The following TIAM1 variants were observed in gnomAD, a reference collection of about 807,000 sequenced individuals.
TIAM1 encodes the protein TIAM Rac1 associated GEF 1.
Under a neutral mutation model 163.5 loss-of-function variants are expected in TIAM1, and 65 were observed. That is an observed-to-expected ratio of 0.40 (90% CI 0.33 to 0.49). The LOEUF is 0.49. TIAM1 is among the 20% of genes least tolerant of loss of function. The pLI is 0.77. For missense variants in TIAM1, 1,789 were observed against 2,044.7 expected, an observed-to-expected ratio of 0.87 and a Z score of 2.41; for synonymous variants, 833 against 810.1, an observed-to-expected ratio of 1.03 and a Z score of -0.48.
At chr21:31,286,012 T>C (rs986607062) in intron 2 of TIAM1, among the ~76,000 whole-genome samples, 2 of 152,232 alleles carry the variant, frequency 1.3e-5, no homozygotes, top group Admixed American at 6.5e-5. Flanking sequence ...GTGTATATCA[T>C]TGATCAGCAA....
In TIAM1 at chr21:31,432,631, A is replaced by G. The variant is rs530229233; in HGVS notation, c.-369+31352T>C. ...GTAAAGACTGGAAAGATGCGGCAACATGCATGAAGTGGGAGGGGAAGGCAC... is the reference window on the plus strand; with the variant it reads ...GTAAAGACTGGAAAGATGCGGCAACGTGCATGAAGTGGGAGGGGAAGGCAC... On this transcript the variant is annotated intron_variant, in intron 2 of 28. Coordinates refer to the TIAM1 transcript ENST00000286827. Among the ~76,000 whole-genome samples the G allele has an allele frequency of 2.0e-5, 3 of 152,354 alleles. No individual in the cohort carries two copies. In the East Asian group the frequency reaches 5.8e-4, roughly 29 times the overall value.
intron 16 of TIAM1, among the ~76,000 whole-genome samples, chr21:31,161,782 A>G (rs2083934255): frequency 6.6e-6 from 1 of 152,216 alleles, no homozygotes; most frequent in South Asian, 2.1e-4. Context: ...ACAAGGCTAA[A>G]TCATGCTTCC....
At position 31,396,520 on chromosome 21, in the gene TIAM1, G is replaced by A. The variant is rs186898698; in HGVS notation, c.-368-57098C>T. Reference sequence around the variant, plus strand: ...CTCCCGAAACACTGTCTGGCTCTGAGTTGGTCCTCAATAAATATAAAAAAT... The same window carrying A: ...CTCCCGAAACACTGTCTGGCTCTGAATTGGTCCTCAATAAATATAAAAAAT... On this transcript the variant is annotated intron_variant, in intron 2 of 28. Coordinates refer to the TIAM1 transcript ENST00000286827. Among the ~76,000 whole-genome samples, 34 of 151,560 alleles carry A rather than the reference G, an allele frequency of 2.2e-4. 1 individual carries two copies. Among genetic ancestry groups the A allele is most frequent in the African/African-American group, 7.8e-4 (32 of 41,270 alleles).
At chr21:31,299,456 G>T (rs1324654823) in intron 2 of TIAM1, among the ~76,000 whole-genome samples, 1 of 152,160 alleles carries the variant, frequency 6.6e-6, no homozygotes, top group Admixed American at 6.5e-5. Context: ...TGTTACGTAT[G>T]TTCAATTTAT....
chr21:31,367,375 C>A (rs1444445989), intron 2 of TIAM1, among the ~76,000 whole-genome samples: 1 of 152,184 alleles, frequency 6.6e-6, no homozygotes, highest in Non-Finnish European at 1.5e-5. Context: ...TCCCAGTCAA[C>A]AGAATGGGAC....
intron 1 of TIAM1, among the ~76,000 whole-genome samples, chr21:31,544,290 G>A (rs536418101): frequency 2.6e-5 from 4 of 150,986 alleles, no homozygotes; most frequent in African/African-American, 7.3e-5. Flanking sequence ...GGAGGCCCAG[G>A]TAGGCAGATT....
chr21:31,496,175 G>A (rs1366070129), intron 1 of TIAM1, among the ~76,000 whole-genome samples: 3 of 151,956 alleles, frequency 2.0e-5, no homozygotes, highest in Admixed American at 1.3e-4. Flanking sequence ...AGAAAAAAGT[G>A]TACAGAAAAA....
intron 26 of TIAM1, among the ~76,000 whole-genome samples, chr21:31,126,666 T>C (rs993446473): frequency 6.6e-6 from 1 of 152,106 alleles, no homozygotes; most frequent in Non-Finnish European, 1.5e-5. Flanking sequence ...GAGTCATCTA[T>C]CTTGTATTTT....
chr21:31,450,726 A>C (rs2147324176), intron 2 of TIAM1, among the ~76,000 whole-genome samples: 1 of 152,300 alleles, frequency 6.6e-6, no homozygotes, highest in Middle Eastern at 3.4e-3. Flanking sequence ...GCAGAAGGCG[A>C]AACGCGTGCC....
chr21:31,144,967 T>C (rs1397895427), intron 20 of TIAM1, among the ~76,000 whole-genome samples: 3 of 152,146 alleles, frequency 2.0e-5, no homozygotes, highest in Non-Finnish European at 4.4e-5. Flanking sequence ...GAATTTAATC[T>C]AATTGAGTGA....
intron 2 of TIAM1, among the ~76,000 whole-genome samples, chr21:31,454,162 C>T (rs1164416179): frequency 6.6e-6 from 1 of 152,202 alleles, no homozygotes; most frequent in Non-Finnish European, 1.5e-5. Flanking sequence ...TTTGTCTCCC[C>T]CTGCTAGAAT....
rs1251528356 is a variant in TIAM1 at position 31,267,516 on chromosome 21, A to T, written c.-11-533T>A. Among the ~76,000 whole-genome samples the T allele has an allele frequency of 2.9e-3, 404 of 137,988 alleles. 3 individuals are homozygous for T. Among genetic ancestry groups the T allele is most frequent in the African/African-American group, 1.0e-2 (370 of 37,104 alleles). The allele number at this position is 137,988 out of a possible 152,430, so 90.5% of individuals were successfully genotyped here. A position where few individuals can be genotyped will look rare whatever the true frequency, so the allele number is the denominator to read the frequency against. The stretch of plus-strand genomic sequence containing the variant: ...GACAATGGGTACGTTTCGTTTTTTC[A>T]TTTTTTTTTTTTTTTTGGCTCTATT... On this transcript the variant is annotated intron_variant, in intron 3 of 27. Coordinates refer to ENST00000541036, the MANE Select transcript of TIAM1 (RefSeq NM_001353694.2).
At chr21:31,131,121 T>G (rs1050121800) in intron 23 of TIAM1, among the ~76,000 whole-genome samples, 173 bp from the exon 24 acceptor site, 1 of 152,170 alleles carries the variant, frequency 6.6e-6, no homozygotes, top group African/African-American at 2.4e-5. Flanking sequence ...ATCAAAAGCC[T>G]ATTGAGACAC....
chr21:31,385,245 TAG>T (rs1478431190), intron 2 of TIAM1, among the ~76,000 whole-genome samples: 1 of 152,346 alleles, frequency 6.6e-6, no homozygotes, highest in Admixed American at 6.5e-5. Flanking sequence ...GTATTTTTAG[TAG>T]AGACGGGGTT....
chr21:31,366,879 A>C lies in TIAM1; in HGVS notation c.-368-27457T>G, dbSNP rs191870612. 1.3e-3 allele frequency among the ~76,000 whole-genome samples: 196 copies of C among 152,286 alleles called. 1 individual carries two copies. Among genetic ancestry groups the C allele is most frequent in the African/African-American group, 4.6e-3 (190 of 41,554 alleles). On this transcript the variant is annotated intron_variant, in intron 2 of 28. Transcript: ENST00000286827. ...GTGATCCACCCGCCTCAGCCTACCA[A>C]AGTGCTGGGATTATAGGCGTGAGTC... is the stretch of plus-strand genomic sequence containing the variant.
chr21:31,429,169 G>A (rs1019524459), intron 2 of TIAM1, among the ~76,000 whole-genome samples: 1 of 151,886 alleles, frequency 6.6e-6, no homozygotes, highest in African/African-American at 2.4e-5. Flanking sequence ...GCCCAGCTGG[G>A]TTTTGTATTT....
At chr21:31,556,802 G>A (rs373728394) in intron 1 of TIAM1, among the ~76,000 whole-genome samples, 93 of 152,130 alleles carry the variant, frequency 6.1e-4, no homozygotes, top group African/African-American at 1.9e-3. Context: ...TCTATTCAAA[G>A]ATAATTACTT....
chr21:31,199,427 G>A (rs4817385), intron 12 of TIAM1, among the ~76,000 whole-genome samples: 28,547 of 148,710 alleles, frequency 0.19, 4,115 homozygotes, highest in East Asian at 0.4. Flanking sequence ...CCCCTCTTTC[G>A]TGCCCTCTCC....
chr21:31,369,151 G>A lies in TIAM1; in HGVS notation c.-368-29729C>T, dbSNP rs570433665. 3.3e-5 allele frequency among the ~76,000 whole-genome samples: 5 copies of A among 150,424 alleles called. No individual in the cohort carries two copies. The East Asian group carries it at 8.4e-4, about 25-fold the overall frequency. On this transcript the variant is annotated intron_variant, in intron 2 of 28. Transcript: ENST00000286827. ...TGAGGCAGGAGAACAGCGTGAACCC[G>A]GGAGGCGGAGCTTGCAGTGAGCCGA...
Sources: gnomAD v4.1 joint callset for allele counts (sites outside exome capture counted in the v4.1 genomes callset) on GRCh38, gnomAD v4.1.1 for gene constraint, MANE v1.5 for transcripts, NCBI Gene and HGNC (gene_info 2026-07-23, HGNC 2026-07-21) for gene names.